The following CCDC178 variants were observed in gnomAD, a reference collection of about 807,000 sequenced individuals.
CCDC178 encodes coiled-coil domain containing 178, also known as coiled-coil domain-containing protein 178.
Under a neutral mutation model 117.4 loss-of-function variants are expected in CCDC178, and 126 were observed. The observed-to-expected ratio is 1.07, with a 90% CI of 0.93 to 1.24. The LOEUF (loss-of-function observed/expected upper bound fraction) is 1.24, where lower values mean the gene tolerates loss of function less well. CCDC178 is among the 50% of genes most tolerant of loss of function. The pLI, the probability that CCDC178 is intolerant of heterozygous loss-of-function variation, is 0.00. For missense variants in CCDC178, 1,030 were observed against 986.9 expected (o/e 1.04, Z -0.59); for synonymous variants, 283 against 313.4 (o/e 0.90, Z 1.02).
At chr18:33,270,423 A>T (rs943293220) in intron 12 of CCDC178, among the ~76,000 whole-genome samples, 2 of 151,646 alleles carry the variant, frequency 1.3e-5, no homozygotes, top group Non-Finnish European at 3.0e-5. Flanking sequence ...AAACTCAAAG[A>T]TATATACTCG....
intron 12 of CCDC178, among the ~76,000 whole-genome samples, chr18:33,287,848 C>T (rs1352804775): frequency 1.3e-5 from 2 of 152,022 alleles, no homozygotes; most frequent in East Asian, 1.9e-4. Context: ...GGAGGGCCAG[C>T]GTATTCATTT....
intron 20 of CCDC178, among the ~76,000 whole-genome samples, chr18:33,157,628 T>C (rs932103449): frequency 2.0e-5 from 3 of 152,208 alleles, no homozygotes; most frequent in Admixed American, 2.0e-4. Context: ...TCCTTGCTGT[T>C]GACCTTAACA....
intron 22 of CCDC178, among the ~76,000 whole-genome samples, chr18:32,949,216 C>T (rs371377001): frequency 6.6e-6 from 1 of 151,930 alleles, no homozygotes; most frequent in Non-Finnish European, 1.5e-5. Context: ...TTACGATATG[C>T]CTTGGTATAG....
chr18:33,189,129 T>C (rs2099844495), intron 20 of CCDC178, among the ~76,000 whole-genome samples: 1 of 152,126 alleles, frequency 6.6e-6, no homozygotes, highest in African/African-American at 2.4e-5. Context: ...CTTTGGGGTA[T>C]CAGTTAGTAC....
chr18:33,376,763 T>C (rs1476789529), intron 5 of CCDC178, among the ~76,000 whole-genome samples: 1 of 152,212 alleles, frequency 6.6e-6, no homozygotes, highest in Non-Finnish European at 1.5e-5. Flanking sequence ...GCATCCATGT[T>C]GCTGCAGATA....
intron 21 of CCDC178, among the ~76,000 whole-genome samples, chr18:32,983,680 A>C (rs1312838470): frequency 1.3e-5 from 2 of 152,132 alleles, no homozygotes; most frequent in African/African-American, 4.8e-5. Context: ...TTGCACTAGA[A>C]TATTCAAATA....
chr18:33,027,410 A>G (rs1481147093), intron 21 of CCDC178, among the ~76,000 whole-genome samples: 1 of 151,722 alleles, frequency 6.6e-6, no homozygotes, highest in Non-Finnish European at 1.5e-5. Flanking sequence ...AGAAACAGCT[A>G]CAGTTAGAAC....
At chr18:33,408,220 T>C (rs1240028396) in intron 3 of CCDC178, among the ~76,000 whole-genome samples, 1 of 151,694 alleles carries the variant, frequency 6.6e-6, no homozygotes, top group Non-Finnish European at 1.5e-5. Flanking sequence ...TTATAGAAAA[T>C]TATAAAGAAT....
chr18:33,403,058 T>C (rs575019590), intron 3 of CCDC178, among the ~76,000 whole-genome samples: 2 of 152,268 alleles, frequency 1.3e-5, no homozygotes, highest in South Asian at 4.1e-4. Context: ...ACCAAATCCC[T>C]TTATCATTTG....
At chr18:33,376,695 G>A (rs766737337) in intron 5 of CCDC178, among the ~76,000 whole-genome samples, 21 of 152,120 alleles carry the variant, frequency 1.4e-4, no homozygotes, top group Admixed American at 2.0e-4. Flanking sequence ...AAGTGAGAAC[G>A]TGAAATATTT....
At chr18:33,006,391 A>AT (rs945405312) in intron 21 of CCDC178, among the ~76,000 whole-genome samples, 6 of 151,862 alleles carry the variant, frequency 4.0e-5, no homozygotes, top group Non-Finnish European at 5.9e-5. Context: ...CAATTTGATA[A>AT]TTTTTTTTCT....
intron 2 of CCDC178, among the ~76,000 whole-genome samples, chr18:33,439,531 T>C (rs1010820231): frequency 6.6e-6 from 1 of 152,224 alleles, no homozygotes; most frequent in Admixed American, 6.5e-5. Flanking sequence ...AGAAATACAC[T>C]AGTTTCTGTA....
chr18:33,090,122 T>C (rs143293666), intron 21 of CCDC178, among the ~76,000 whole-genome samples: 1 of 152,268 alleles, frequency 6.6e-6, no homozygotes, highest in Non-Finnish European at 1.5e-5. Flanking sequence ...AGAAATACTA[T>C]AGCATTCTAA....
intron 11 of CCDC178, among the ~76,000 whole-genome samples, chr18:33,295,918 ATCACACT>A (rs1568124771): frequency 6.6e-6 from 1 of 152,198 alleles, no homozygotes; most frequent in Non-Finnish European, 1.5e-5. Context: ...ATCCCAAAAA[ATCACACT>A]TTTTGATATT....
chr18:33,152,993 C>T (rs271507), intron 20 of CCDC178, among the ~76,000 whole-genome samples: 15,160 of 139,562 alleles, frequency 0.11, 1,036 homozygotes, highest in African/African-American at 0.21. Context: ...AAAACACAAG[C>T]AGAAATGAAG....
At chr18:33,110,856 T>C (rs1000367453) in intron 20 of CCDC178, among the ~76,000 whole-genome samples, 14 of 151,734 alleles carry the variant, frequency 9.2e-5, no homozygotes, top group African/African-American at 3.4e-4. Context: ...TTCTCAACTT[T>C]GTCCATCTTC....
intron 2 of CCDC178, among the ~76,000 whole-genome samples, chr18:33,422,270 T>C (rs937047246): frequency 1.3e-5 from 2 of 152,194 alleles, no homozygotes; most frequent in South Asian, 2.1e-4. Context: ...ATGCTTTTTT[T>C]CCCCAATATT....
chr18:33,437,770 C>G (rs961059607), intron 2 of CCDC178: 2 of 152,118 alleles, frequency 1.3e-5, no homozygotes, highest in African/African-American at 4.8e-5. Flanking sequence ...TGAGCTTCAG[C>G]CTTTTGCTGC....
Position 33,378,077 on chromosome 18 carries a change from G to A in CCDC178, c.209-7888C>T, listed in dbSNP as rs564958539. On this transcript the variant is annotated intron_variant, in intron 5 of 22. Transcript: ENST00000383096. ...CGGCATTGATTCTTTCAATCCATGA[G>A]CACGGAATATTTTTCCATTTGTCTG... 2.6e-5 allele frequency among the ~76,000 whole-genome samples: 4 copies of A among 152,274 alleles called. No homozygotes were observed. The South Asian group carries it at 8.3e-4, about 32-fold the overall frequency.
Sources: allele counts gnomAD v4.1 joint callset (sites outside exome capture counted in the v4.1 genomes callset), GRCh38; gene constraint gnomAD v4.1.1; transcripts MANE v1.5; gene names NCBI Gene and HGNC (gene_info 2026-07-23, HGNC 2026-07-21).